SYT1: variants seen among roughly 807,000 people sequenced by gnomAD.
The protein encoded by SYT1 is synaptotagmin 1.
A neutral mutation model predicts 44.8 loss-of-function variants in SYT1; 8 were observed. The ratio of observed to expected loss-of-function variants is 0.18; its 90% CI spans 0.10 to 0.32. The LOEUF is 0.32. Ranked by LOEUF, SYT1 falls within the 10% of genes least tolerant of loss-of-function variation. The pLI, the probability that SYT1 is intolerant of heterozygous loss-of-function variation, is 1.00. For synonymous variants in SYT1, 154 were observed against 188.8 expected (o/e 0.82, Z 1.51); for missense variants, 286 against 509.3 (o/e 0.56, Z 4.22).
intron 3 of SYT1, among the ~76,000 whole-genome samples, chr12:79,087,398 C>G (rs940036624): frequency 6.6e-6 from 1 of 152,106 alleles, no homozygotes; most frequent in Non-Finnish European, 1.5e-5. Flanking sequence ...CTTGAATGTG[C>G]AGTTTAATGC....
At chr12:79,056,344 G>A (rs908463047) in intron 3 of SYT1, among the ~76,000 whole-genome samples, 11 of 152,020 alleles carry the variant, frequency 7.2e-5, no homozygotes, top group African/African-American at 2.4e-4. Context: ...TTTGGGAGGA[G>A]TCCATCAGGA....
At chr12:79,159,558 T>G (rs1181087862) in intron 3 of SYT1, among the ~76,000 whole-genome samples, 1 of 152,198 alleles carries the variant, frequency 6.6e-6, no homozygotes, top group East Asian at 1.9e-4. Flanking sequence ...TGGTAATTGT[T>G]GTTACTCTCT....
At chr12:79,422,067 G>A (rs41485851) in intron 9 of SYT1, among the ~76,000 whole-genome samples, 3,905 of 152,016 alleles carry the variant, frequency 0.026, 164 homozygotes, top group African/African-American at 0.089. Context: ...CTCGAGGCCG[G>A]TAATTTTATT....
rs183839438 is a variant in SYT1 at position 79,244,717 on chromosome 12, A to G, written c.166+27032A>G. On this transcript the variant is annotated intron_variant, in intron 4 of 10. Transcript: ENST00000261205. ...AGACCCTGTCTCAAAAAAAGAAGAA[A>G]AAAAAAAAAAAAGCTAAAGTGCTCC... is the stretch of plus-strand genomic sequence containing the variant. 8.2e-3 allele frequency among the ~76,000 whole-genome samples: 1,236 copies of G among 150,704 alleles called. 9 individuals are homozygous for G. Among genetic ancestry groups the G allele is most frequent in the Middle Eastern group, 0.038 (11 of 292 alleles).
intron 1 of SYT1, among the ~76,000 whole-genome samples, chr12:78,875,836 C>T (rs1179378244): frequency 1.3e-5 from 2 of 151,590 alleles, no homozygotes; most frequent in Non-Finnish European, 3.0e-5. Context: ...TATTTTTATA[C>T]TCCAGTTTTA....
At chr12:79,331,770 T>A (rs1881866489) in intron 8 of SYT1, among the ~76,000 whole-genome samples, 1 of 152,062 alleles carries the variant, frequency 6.6e-6, no homozygotes, top group South Asian at 2.1e-4. Context: ...TTTAAGAATG[T>A]TTAGTTTGAT....
At chr12:79,063,690 A>G (rs1418324346) in intron 3 of SYT1, among the ~76,000 whole-genome samples, 1 of 152,166 alleles carries the variant, frequency 6.6e-6, no homozygotes, top group Non-Finnish European at 1.5e-5. Context: ...CTCTGAAATA[A>G]TTTAGGGCTC....
At chr12:79,073,923 C>G (rs1876462226) in intron 3 of SYT1, among the ~76,000 whole-genome samples, 1 of 152,136 alleles carries the variant, frequency 6.6e-6, no homozygotes, top group Admixed American at 6.6e-5. Flanking sequence ...TAATGAGCAA[C>G]TTAATTCAGG....
chr12:78,894,979 T>C lies in SYT1; in HGVS notation c.-217+29870T>C, dbSNP rs1253451346. ...ATGTTTATTAGCTTGATTTAGCCAT[T>C]CCACAATATATACATATATCAAAAC... On this transcript the variant is annotated intron_variant, in intron 1 of 10. Transcript: ENST00000261205. Among the ~76,000 whole-genome samples, 3 of 151,592 alleles carry C rather than the reference T, an allele frequency of 2.0e-5. No homozygotes were observed. The East Asian group carries it at 5.8e-4, about 29-fold the overall frequency.
chr12:79,048,927 G>T (rs1874268168), intron 3 of SYT1, among the ~76,000 whole-genome samples: 1 of 151,762 alleles, frequency 6.6e-6, no homozygotes, highest in South Asian at 2.1e-4. Flanking sequence ...ACATCTAAAA[G>T]ACTAGACTGT....
chr12:78,890,639 A>G (rs751228304), intron 1 of SYT1, among the ~76,000 whole-genome samples: 16 of 151,746 alleles, frequency 1.1e-4, no homozygotes, highest in Non-Finnish European at 2.1e-4. Flanking sequence ...TTTTTCTTCC[A>G]AGCTTCACAG....
Position 79,260,805 on chromosome 12 carries a change from A to ATTT in SYT1, c.167-24973_167-24971dup, listed in dbSNP as rs11376724. 1.4e-3 allele frequency among the ~76,000 whole-genome samples: 208 copies of ATTT among 149,756 alleles called. 1 individual carries two copies. Among genetic ancestry groups the ATTT allele is most frequent in the African/African-American group, 4.7e-3 (193 of 40,914 alleles). On this transcript the variant is annotated intron_variant, in intron 4 of 10. Transcript: ENST00000261205. The stretch of plus-strand genomic sequence containing the variant: ...GATTCTGTTTTTACAGAAATCTCAT[A>ATTT]TTTTTTTTTTTAGTAGACTTGGGTC...
chr12:79,271,329 A>G (rs1348131215), intron 4 of SYT1, among the ~76,000 whole-genome samples: 2 of 152,126 alleles, frequency 1.3e-5, no homozygotes, highest in Non-Finnish European at 1.5e-5. Context: ...TTTCCATCCG[A>G]GAGTTATATT....
At chr12:79,027,617 T>G (rs905963853) in intron 2 of SYT1, among the ~76,000 whole-genome samples, 2 of 151,602 alleles carry the variant, frequency 1.3e-5, no homozygotes, top group South Asian at 2.1e-4. Flanking sequence ...TTTAGGCATG[T>G]GACAACCATA....
At chr12:79,412,622 T>C (rs1356301693) in intron 9 of SYT1, among the ~76,000 whole-genome samples, 2 of 152,180 alleles carry the variant, frequency 1.3e-5, no homozygotes, top group African/African-American at 4.8e-5. Context: ...ACTGTAACAC[T>C]ATTGTTAATC....
chr12:78,917,092 A>T (rs1565716204), intron 1 of SYT1, among the ~76,000 whole-genome samples: 1 of 151,614 alleles, frequency 6.6e-6, no homozygotes, highest in Non-Finnish European at 1.5e-5. Context: ...ATGCAGAGCT[A>T]TTTTTTTTAT....
intron 2 of SYT1, among the ~76,000 whole-genome samples, chr12:79,042,895 C>T (rs1276361528): frequency 3.3e-5 from 5 of 151,580 alleles, no homozygotes; most frequent in Admixed American, 1.3e-4. Context: ...CCAGTAGTCA[C>T]TCAGGAGCAG....
chr12:78,923,725 G>T (rs1592565041), intron 1 of SYT1, among the ~76,000 whole-genome samples: 1 of 145,276 alleles, frequency 6.9e-6, no homozygotes, highest in African/African-American at 2.5e-5. Context: ...GTGTGTATAT[G>T]TGTGTGTGTA....
chr12:79,217,431 C>T, intron 3 of SYT1, 72 bp from the exon 4 acceptor site: 1 of 1,342,768 alleles, frequency 7.4e-7, no homozygotes, highest in Non-Finnish European at 9.7e-7. Context: ...TGTTTCATCT[C>T]TGGGATACCT....
Sources: gnomAD v4.1 joint callset for allele counts (sites outside exome capture counted in the v4.1 genomes callset) on GRCh38, gnomAD v4.1.1 for gene constraint, MANE v1.5 for transcripts, NCBI Gene and HGNC (gene_info 2026-07-23, HGNC 2026-07-21) for gene names.